Variants in BACE1 observed in about 807,000 individuals in gnomAD.
BACE1 encodes APP beta-secretase.
BACE1 carries 21 observed loss-of-function variants against 54.0 expected under a neutral mutation model. The ratio of observed to expected loss-of-function variants is 0.39; its 90% CI spans 0.28 to 0.56. The LOEUF (loss-of-function observed/expected upper bound fraction) is 0.56, where lower values mean the gene tolerates loss of function less well. Among genes scored for constraint, BACE1 ranks in the 20% least tolerant of loss-of-function variants. The probability of loss-of-function intolerance (pLI) is 0.63; values close to 1 mark genes in which losing one functional copy is unlikely to be tolerated. For synonymous variants in BACE1, 232 were observed against 260.9 expected, an observed-to-expected ratio of 0.89 and a Z score of 1.07; for missense variants, 511 against 661.2, an observed-to-expected ratio of 0.77 and a Z score of 2.49.
At chr11:117,296,565 A>G (rs2034605566) in intron 2 of BACE1, among the ~76,000 whole-genome samples, 1 of 152,040 alleles carries the variant, frequency 6.6e-6, no homozygotes, top group African/African-American at 2.4e-5. Flanking sequence ...AGGCAGAGAA[A>G]ATGGGCCCCC....
chr11:117,299,258 G>C (rs1003949205), intron 1 of BACE1, among the ~76,000 whole-genome samples: 1 of 152,074 alleles, frequency 6.6e-6, no homozygotes, highest in Admixed American at 6.6e-5. Flanking sequence ...GTTGCATCTC[G>C]CCTCTTGCCG....
At chr11:117,314,142 T>C (rs2035018213) in intron 1 of BACE1, among the ~76,000 whole-genome samples, 1 of 152,168 alleles carries the variant, frequency 6.6e-6, no homozygotes, top group Non-Finnish European at 1.5e-5. Context: ...AGCATGTCAG[T>C]CGCAGAAACA....
At position 117,293,712 on chromosome 11, in the gene BACE1, AAAG is replaced by A. The variant is rs2134454006; in HGVS notation, c.705+156_705+158del. 2.7e-6 allele frequency: 2 copies of A among 732,380 alleles called. No homozygotes were observed. The highest frequency in any genetic ancestry group is 3.8e-6 in the Non-Finnish European group (2 of 519,772). The allele number at this position is 732,380 out of a possible 1,614,324, so 45.4% of individuals were successfully genotyped here. A position where few individuals can be genotyped will look rare whatever the true frequency, so the allele number is the denominator to read the frequency against. On this transcript the variant is annotated intron_variant, in intron 4 of 8. Coordinates refer to ENST00000313005, the MANE Select transcript of BACE1 (RefSeq NM_012104.6). The surrounding 1 kb of genome is among the most constrained non-coding windows in gnomAD (Gnocchi z 4.1). ...CCTTTCTGGAATAACGCAAAAAAGA[AAAG>A]AATGGAAAAATAAAGTAAGGGTAGG...
chr11:117,306,111 C>T (rs1349214773), intron 1 of BACE1, among the ~76,000 whole-genome samples: 1 of 152,108 alleles, frequency 6.6e-6, no homozygotes, highest in Non-Finnish European at 1.5e-5. Flanking sequence ...TATGCAGGAT[C>T]CTAGTGTACA....
Position 117,315,775 on chromosome 11 carries a change from C to A in BACE1, c.21G>T (p.Trp7Cys). 1.4e-6 allele frequency: 2 copies of A among 1,451,014 alleles called. No individual in the cohort carries two copies. Among genetic ancestry groups the A allele is most frequent in the Non-Finnish European group, 1.8e-6 (2 of 1,108,762 alleles). 89.9% of individuals were successfully genotyped at this position (1,451,014 alleles called of 1,614,324 possible). A position where few individuals can be genotyped will look rare whatever the true frequency, so the allele number is the denominator to read the frequency against. ...CTCCCGCGCCCATCCACAGCAGGAG[C>A]CAGGGCAGGGCTTGGGCCATGGTGG... MAQALP[W>C]LLLWMGAGVL... Residue 7 changes from tryptophan to cysteine, a missense_variant, in exon 1 of 9, where the codon TGG becomes TGT. By Grantham distance (215) the Trp-to-Cys change is radical. Transcript: ENST00000313005. This position sits in a 1 kb window ranked among gnomAD's most constrained non-coding sequence, Gnocchi z 5.5.
intron 1 of BACE1, among the ~76,000 whole-genome samples, chr11:117,301,759 C>T (rs2034731422): frequency 1.3e-5 from 2 of 152,212 alleles, no homozygotes; most frequent in South Asian, 4.1e-4. Flanking sequence ...TATCCTAACA[C>T]CTTCCTCTTC....
In BACE1 at chr11:117,294,251, T is replaced by A. The variant is rs1280716245; in HGVS notation, c.568-243A>T. ...TTTTTTTTGAGACAGAGTTTTGCTC[T>A]TGTTGCCCAAGCTGGAGTGCAATGT... On this transcript the variant is annotated intron_variant, in intron 3 of 8. Coordinates refer to ENST00000313005, the MANE Select transcript of BACE1 (RefSeq NM_012104.6). The A allele has an allele frequency of 1.4e-5, 4 of 290,360 alleles. No homozygotes were observed. In the Admixed American group the frequency reaches 2.1e-4, roughly 15 times the overall value. The allele number at this position is 290,360 out of a possible 1,614,324, so 18.0% of individuals were successfully genotyped here.
chr11:117,293,900 C>G lies in BACE1; in HGVS notation c.676G>C (p.Glu226Gln). The G allele has an allele frequency of 6.2e-7, 1 of 1,613,852 alleles. No individual in the cohort carries two copies. Among genetic ancestry groups the G allele is most frequent in the South Asian group, 1.1e-5 (1 of 91,050 alleles). Residue 226 changes from glutamate to glutamine, a missense_variant, in exon 4 of 9, where the codon GAA (glutamate) becomes CAA (glutamine). Glu to Gln is a conservative substitution (Grantham distance 29, BLOSUM62 2). This residue lies in a region of BACE1 where 407 missense variants were observed against 565.7 expected (regional missense o/e 0.72). Coordinates refer to ENST00000313005, the MANE Select transcript of BACE1 (RefSeq NM_012104.6). This position sits in a 1 kb window ranked among gnomAD's most constrained non-coding sequence, Gnocchi z 4.1. ...CTCCCTCCGACAGAGGCCAGCACTT[C>G]AGACTGGTTGAGGGGGAAGCCAGCA... Reference protein sequence around the residue: ...CGAGFPLNQSEVLASVGGSMI... With the variant: ...CGAGFPLNQSQVLASVGGSMI...
In BACE1 at chr11:117,315,131, G is replaced by T; in HGVS notation, c.261+404C>A. ...GGAACAATGGTGGGAATCAGAGGAG[G>T]GGACAAGGTTGGGTGGCCAACCTCT... is the stretch of plus-strand genomic sequence containing the variant. On this transcript the variant is annotated intron_variant, in intron 1 of 8. Coordinates refer to ENST00000313005, the MANE Select transcript of BACE1 (RefSeq NM_012104.6). The surrounding 1 kb of genome is among the most constrained non-coding windows in gnomAD (Gnocchi z 5.5). Among the ~76,000 whole-genome samples the T allele has an allele frequency of 6.6e-6, 1 of 152,206 alleles. No individual in the cohort carries two copies. The highest frequency in any genetic ancestry group is 1.5e-5 in the Non-Finnish European group (1 of 68,032).
intron 1 of BACE1, among the ~76,000 whole-genome samples, chr11:117,304,979 T>TTC: frequency 6.6e-6 from 1 of 151,532 alleles, no homozygotes; most frequent in Admixed American, 6.6e-5. Flanking sequence ...TTTTTTTTTT[T>TTC]TGAGGTGGGT....
intron 1 of BACE1, chr11:117,297,250 G>A (rs2034622880): frequency 5.7e-6 from 2 of 350,632 alleles, no homozygotes; most frequent in Admixed American, 1.0e-4. Flanking sequence ...ATATGCAAGG[G>A]AGTCAAAAAA....
chr11:117,290,002 A>G (rs557295205), intron 8 of BACE1, among the ~76,000 whole-genome samples, 195 bp from the exon 9 acceptor site: 19 of 152,328 alleles, frequency 1.2e-4, no homozygotes, highest in East Asian at 1.9e-4. Flanking sequence ...CACTGGGAGC[A>G]GCAGCCCTTC....
chr11:117,290,757 G>T, intron 7 of BACE1, 98 bp from the exon 8 acceptor site: 1 of 1,556,334 alleles, frequency 6.4e-7, no homozygotes, highest in Non-Finnish European at 8.7e-7. Flanking sequence ...CCATCCCTGA[G>T]CTCTAACGGG....
rs565693313 is a variant in BACE1, at chr11:117,286,182, G to A, written c.*3384C>T. 1.3e-5 allele frequency: 2 copies of A among 152,580 alleles called. No individual in the cohort carries two copies. The highest frequency in any genetic ancestry group is 1.9e-4 in the East Asian group (1 of 5,202). The allele number at this position is 152,580 out of a possible 1,614,324, so 9.5% of individuals were successfully genotyped here. ...TTTTGAAGCAAGAAAGTTAGGGGGG[G>A]ACATATTTCCTGTCCTGGGAAAAAT... On this transcript the variant is annotated 3_prime_UTR_variant, in exon 9 of 9. Transcript: ENST00000313005.
Position 117,289,569 on chromosome 11 carries a change from C to T in BACE1, c.1503G>A (p.Lys501=). 1 of 1,614,158 alleles carries T rather than the reference C, an allele frequency of 6.2e-7. No homozygotes were observed. The highest frequency in any genetic ancestry group is 8.5e-7 in the Non-Finnish European group (1 of 1,180,020). Reference sequence around the variant, plus strand: ...TATCTTCTGCCCATGGGCCTCCTCACTTCAGCAGGGAGATGTCATCAGCAA... The same window carrying T: ...TATCTTCTGCCCATGGGCCTCCTCATTTCAGCAGGGAGATGTCATCAGCAA... The part of the protein sequence containing the change: ...DDFADDISLL[K] Residue 501 remains lysine (K), a synonymous_variant, in exon 9 of 9, where the codon AAG becomes AAA. Coordinates refer to ENST00000313005, the MANE Select transcript of BACE1 (RefSeq NM_012104.6).
Position 117,289,207 on chromosome 11 carries a change from A to G in BACE1, c.*359T>C. On this transcript the variant is annotated 3_prime_UTR_variant, in exon 9 of 9. Coordinates refer to ENST00000313005, the MANE Select transcript of BACE1 (RefSeq NM_012104.6). The stretch of plus-strand genomic sequence containing the variant: ...GCCAAGGTAACCTGCGTGTGATGCC[A>G]GTACTTCTGAAACTAAGAAAAGAAG... 2 of 250,048 alleles carry G rather than the reference A, an allele frequency of 8.0e-6. No individual in the cohort carries two copies. 15.5% of individuals were successfully genotyped at this position (250,048 alleles called of 1,614,324 possible).
chr11:117,293,146 A>G lies in BACE1; in HGVS notation c.748T>C (p.Trp250Arg). The change falls in exon 5 of 9, where the codon TGG becomes CGG. Residue 250 changes from tryptophan to arginine, a missense_variant. Coordinates refer to ENST00000313005, the MANE Select transcript of BACE1 (RefSeq NM_012104.6). The surrounding 1 kb of genome is among the most constrained non-coding windows in gnomAD (Gnocchi z 4.1). ...IDHSLYTGSL[W>R]YTPIRREWYY... ...CACTCCCGCCGGATGGGTGTATACCAGAGACTGCCTGTGTACAGCGAGTGG... is the reference window on the plus strand; with the variant it reads ...CACTCCCGCCGGATGGGTGTATACCGGAGACTGCCTGTGTACAGCGAGTGG... The G allele has an allele frequency of 6.2e-7, 1 of 1,614,070 alleles. No individual in the cohort carries two copies. Among genetic ancestry groups the G allele is most frequent in the South Asian group, 1.1e-5 (1 of 91,062 alleles).
rs78296456 is a variant in BACE1 at position 117,289,035 on chromosome 11, A to G, written c.*531T>C. On this transcript the variant is annotated 3_prime_UTR_variant, in exon 9 of 9. Transcript: ENST00000313005. ...CAATCTAGTTTTTTTTTTTAATTCA[A>G]GAGGCAATCTTTGCACCAATGTTAG... The G allele has an allele frequency of 5.7e-3, 870 of 153,660 alleles. 10 individuals carry two copies. Among genetic ancestry groups the G allele is most frequent in the Non-Finnish European group, 8.9e-3 (610 of 68,824 alleles). The allele number at this position is 153,660 out of a possible 1,614,324, so 9.5% of individuals were successfully genotyped here. A position where few individuals can be genotyped will look rare whatever the true frequency, so the allele number is the denominator to read the frequency against.
At chr11:117,311,637 T>G (rs2034944816) in intron 1 of BACE1, among the ~76,000 whole-genome samples, 1 of 152,116 alleles carries the variant, frequency 6.6e-6, no homozygotes, top group African/African-American at 2.4e-5. Flanking sequence ...AGTCCTACTC[T>G]TTTTATTTTT....
Sources: allele counts gnomAD v4.1 joint callset (sites outside exome capture counted in the v4.1 genomes callset), GRCh38; gene constraint gnomAD v4.1.1; regional missense constraint gnomAD v4.1.1; non-coding constraint Gnocchi (gnomAD v3.1); transcripts MANE v1.5; gene names NCBI Gene and HGNC (gene_info 2026-07-23, HGNC 2026-07-21).